The following LRP12 variants were observed in gnomAD, a reference collection of about 807,000 sequenced individuals.
LRP12 encodes low-density lipoprotein receptor-related protein 12.
Under a neutral mutation model 66.0 loss-of-function variants are expected in LRP12, and 14 were observed. The observed-to-expected ratio is 0.21, with a 90% CI of 0.14 to 0.33. The LOEUF is 0.33. Ranked by LOEUF, LRP12 falls within the 10% of genes least tolerant of loss-of-function variation. The pLI is 1.00. For missense variants in LRP12, 889 were observed against 1,053.4 expected (o/e 0.84, Z 2.16); for synonymous variants, 357 against 359.1 (o/e 0.99, Z 0.07).
chr8:104,545,452 G>T (rs1052219847), intron 1 of LRP12, among the ~76,000 whole-genome samples: 1 of 152,122 alleles, frequency 6.6e-6, no homozygotes, highest in South Asian at 2.1e-4. Context: ...ATGCTACAGA[G>T]AAAGCTTTTA....
At chr8:104,511,806 T>C (rs971056765) in intron 2 of LRP12, among the ~76,000 whole-genome samples, 2 of 152,194 alleles carry the variant, frequency 1.3e-5, no homozygotes, top group South Asian at 2.1e-4. Flanking sequence ...GGCATCTGTT[T>C]TGAATCGCTT....
chr8:104,567,634 A>G (rs1812025715), intron 1 of LRP12, among the ~76,000 whole-genome samples: 1 of 152,190 alleles, frequency 6.6e-6, no homozygotes, highest in Non-Finnish European at 1.5e-5. Flanking sequence ...AGTAAGTTCA[A>G]CAAGTCATAG....
At chr8:104,508,796 T>A in intron 3 of LRP12, 143 bp downstream of exon 3, 1 of 671,766 alleles carries the variant, frequency 1.5e-6, no homozygotes, top group Non-Finnish European at 2.4e-6. Context: ...ACTCTTAAGA[T>A]GACACCAATA....
intron 1 of LRP12, among the ~76,000 whole-genome samples, chr8:104,556,466 T>C (rs968207127): frequency 1.3e-5 from 2 of 152,204 alleles, no homozygotes; most frequent in East Asian, 3.9e-4. Context: ...ATATTACAAC[T>C]GATATCACAG....
intron 1 of LRP12, among the ~76,000 whole-genome samples, chr8:104,534,669 C>T (rs796912512): frequency 9.9e-5 from 15 of 151,972 alleles, no homozygotes; most frequent in African/African-American, 3.6e-4. Context: ...AAAAACAATA[C>T]TATTTAGAAG....
At chr8:104,555,534 T>C (rs922431612) in intron 1 of LRP12, among the ~76,000 whole-genome samples, 1 of 151,290 alleles carries the variant, frequency 6.6e-6, no homozygotes, top group African/African-American at 2.4e-5. Context: ...GCAACAACAG[T>C]AAAAAAGAAA....
At chr8:104,576,701 C>G (rs1352651182) in intron 1 of LRP12, among the ~76,000 whole-genome samples, 2 of 152,106 alleles carry the variant, frequency 1.3e-5, no homozygotes, top group Non-Finnish European at 2.9e-5. Context: ...ACTGCATAAA[C>G]AAGTCTGCAA....
intron 6 of LRP12, 113 bp downstream of exon 6, chr8:104,494,964 T>C: frequency 2.2e-6 from 2 of 910,024 alleles, no homozygotes; most frequent in South Asian, 4.2e-5. Context: ...TCCATACATT[T>C]AAATCCTTGA....
rs1554712981 is a variant in LRP12, at chr8:104,588,970, A to ACGCCGCCGCCGACGCCGCCGC, written c.-74_-73insGCGGCGGCGTCGGCGGCGGCG. ...GAGAAGCTGGAGGTAGACGACGCCGACGCCGCCGCCGCCGCCGCCGCCGCC... is the reference window on the plus strand; with the variant it reads ...GAGAAGCTGGAGGTAGACGACGCCGACGCCGCCGCCGACGCCGCCGCCGCCGCCGCCGCCGCCGCCGCCGCC... On this transcript the variant is annotated 5_prime_UTR_variant, in exon 1 of 7. Transcript: ENST00000276654. 6 of 601,154 alleles carry ACGCCGCCGCCGACGCCGCCGC rather than the reference A, an allele frequency of 1.0e-5. No homozygotes were observed. The highest frequency in any genetic ancestry group is 1.3e-5 in the Non-Finnish European group (5 of 387,272). The allele number at this position is 601,154 out of a possible 1,614,324, so 37.2% of individuals were successfully genotyped here.
intron 4 of LRP12, 67 bp from the exon 5 acceptor site, chr8:104,498,143 A>G: frequency 7.4e-7 from 1 of 1,354,192 alleles, no homozygotes. Context: ...AAAAGACATA[A>G]AACAGCAAGT....
At chr8:104,541,909 G>GTA (rs201599763) in intron 1 of LRP12, among the ~76,000 whole-genome samples, 1,848 of 152,222 alleles carry the variant, frequency 0.012, 36 homozygotes, top group African/African-American at 0.041. Context: ...TTCACTAGGT[G>GTA]ACAGACATTT....
At chr8:104,580,239 G>A (rs1026906185) in intron 1 of LRP12, among the ~76,000 whole-genome samples, 3 of 151,996 alleles carry the variant, frequency 2.0e-5, no homozygotes, top group African/African-American at 7.3e-5. Flanking sequence ...AATCTAGGCT[G>A]GGTGCGGTGG....
chr8:104,489,266 AT>A lies in LRP12; in HGVS notation c.*1406del, dbSNP rs760954135. On this transcript the variant is annotated 3_prime_UTR_variant, in exon 7 of 7. Coordinates refer to ENST00000276654, the MANE Select transcript of LRP12 (RefSeq NM_013437.5). ...AAAGTACCTCAAGGCAATAAAAAAAATCATTTTAATTTTTGATACATATTAA... is the reference window on the plus strand; with the variant it reads ...AAAGTACCTCAAGGCAATAAAAAAAACATTTTAATTTTTGATACATATTAA... The A allele has an allele frequency of 7.9e-5, 12 of 152,588 alleles. No homozygotes were observed. Among genetic ancestry groups the A allele is most frequent in the Non-Finnish European group, 1.5e-5 (1 of 67,986 alleles). The allele number at this position is 152,588 out of a possible 1,614,324, so 9.5% of individuals were successfully genotyped here. A position where few individuals can be genotyped will look rare whatever the true frequency, so the allele number is the denominator to read the frequency against.
At chr8:104,563,018 C>T (rs956021429) in intron 1 of LRP12, among the ~76,000 whole-genome samples, 17 of 152,076 alleles carry the variant, frequency 1.1e-4, no homozygotes, top group Admixed American at 5.2e-4. Flanking sequence ...ATTTTGTTTA[C>T]GGAGATCTCC....
chr8:104,587,479 T>C (rs922144520), intron 1 of LRP12, among the ~76,000 whole-genome samples: 2 of 152,152 alleles, frequency 1.3e-5, no homozygotes, highest in Non-Finnish European at 2.9e-5. Context: ...CAATTACCCC[T>C]ACATAAAAAA....
intron 2 of LRP12, among the ~76,000 whole-genome samples, chr8:104,514,161 C>A (rs1342160797): frequency 6.6e-6 from 1 of 152,086 alleles, no homozygotes; most frequent in Non-Finnish European, 1.5e-5. Context: ...TCTTAGGGAA[C>A]CAAGGCCTGT....
intron 1 of LRP12, among the ~76,000 whole-genome samples, chr8:104,586,028 T>A (rs779994359): frequency 2.6e-5 from 4 of 152,214 alleles, no homozygotes; most frequent in Non-Finnish European, 4.4e-5. Flanking sequence ...ACCACTGATA[T>A]TTTTATCCCT....
At chr8:104,540,425 T>G (rs933859965) in intron 1 of LRP12, among the ~76,000 whole-genome samples, 2 of 152,184 alleles carry the variant, frequency 1.3e-5, no homozygotes, top group Non-Finnish European at 1.5e-5. Context: ...TTTTTGGGAA[T>G]CCCTTTCAAG....
chr8:104,497,348 G>C lies in LRP12; in HGVS notation c.1204C>G (p.Pro402Ala), dbSNP rs145709171. 1 of 1,613,878 alleles carries C rather than the reference G, an allele frequency of 6.2e-7. No individual in the cohort carries two copies. The highest frequency in any genetic ancestry group is 2.2e-5 in the East Asian group (1 of 44,878). The change falls in exon 5 of 7, where the codon CCA (proline) becomes GCA (alanine). Residue 402 changes from proline to alanine, a missense_variant. Pro to Ala is a conservative substitution (Grantham distance 27, BLOSUM62 -1). Coordinates refer to ENST00000276654, the MANE Select transcript of LRP12 (RefSeq NM_013437.5). The surrounding 1 kb of genome is among the most constrained non-coding windows in gnomAD (Gnocchi z 4.3). ...QQRCDGYWHCPNGRDETNCTM... is the reference protein window; with the variant it reads ...QQRCDGYWHCANGRDETNCTM... The stretch of plus-strand genomic sequence containing the variant: ...CAATTGGTTTCATCCCTTCCATTTG[G>C]GCAATGCCAATACCCATCACAACGC...
Sources: gnomAD v4.1 joint callset for allele counts (sites outside exome capture counted in the v4.1 genomes callset) on GRCh38, gnomAD v4.1.1 for gene constraint, Gnocchi (gnomAD v3.1) non-coding constraint, MANE v1.5 for transcripts, NCBI Gene and HGNC (gene_info 2026-07-23, HGNC 2026-07-21) for gene names.